Variants in ITPR3 observed in about 807,000 individuals in gnomAD.
The protein encoded by ITPR3 is inositol 1,4,5-trisphosphate receptor type 3, also known as inositol 1,4,5-trisphosphate-gated calcium channel ITPR3.
A neutral mutation model predicts 293.2 loss-of-function variants in ITPR3; 173 were observed. The observed-to-expected ratio is 0.59, with a 90% confidence interval of 0.52 to 0.67. The LOEUF (loss-of-function observed/expected upper bound fraction) is 0.67. ITPR3 is among the 30% of genes least tolerant of loss of function. The probability of loss-of-function intolerance (pLI) is 0.00; values close to 1 mark genes in which losing one functional copy is unlikely to be tolerated. For missense variants in ITPR3, 2,796 were observed against 3,592.1 expected, an observed-to-expected ratio of 0.78 and a Z score of 5.66; for synonymous variants, 1,295 against 1,444.4, an observed-to-expected ratio of 0.90 and a Z score of 2.35.
In ITPR3 at chr6:33,691,739, A is replaced by AG. The variant is rs1279694296; in HGVS notation, c.7330+22dup. ...TGGAAGGTGAGGGTGGTGTGTGTGCAGGAGTCTGTGTGGGGTAGGAGGAGC... is the reference window on the plus strand; with the variant it reads ...TGGAAGGTGAGGGTGGTGTGTGTGCAGGGAGTCTGTGTGGGGTAGGAGGAGC... On this transcript the variant is annotated intron_variant, in intron 53 of 57. Coordinates refer to ENST00000605930, the MANE Select transcript of ITPR3 (RefSeq NM_002224.4). This position sits in a 1 kb window ranked among gnomAD's most constrained non-coding sequence, Gnocchi z 4.9. 6.2e-7 allele frequency: 1 copy of AG among 1,613,434 alleles called. No individual in the cohort carries two copies. The highest frequency in any genetic ancestry group is 1.7e-5 in the Admixed American group (1 of 59,902).
At chr6:33,694,411 C>CG (rs2127325908) in intron 56 of ITPR3, 1 of 173,038 alleles carries the variant, frequency 5.8e-6, no homozygotes, top group Non-Finnish European at 1.2e-5. Context: ...CCTCCCCCCC[C>CG]GACTCCTCTG....
chr6:33,691,086 G>A lies in ITPR3; in HGVS notation c.7202G>A (p.Arg2401Gln), dbSNP rs1206727716. 8.1e-6 allele frequency: 13 copies of A among 1,614,114 alleles called. No homozygotes were observed. Among genetic ancestry groups the A allele is most frequent in the Admixed American group, 3.3e-5 (2 of 60,026 alleles). The change falls in exon 52 of 58, where the codon CGG (arginine) becomes CAG (glutamine). Residue 2401 changes from arginine to glutamine, a missense_variant. Arg to Gln is a conservative substitution (Grantham distance 43). Around this residue, in one of 8 missense-constraint regions of ITPR3, gnomAD observed 568 missense variants for 796.1 expected, o/e 0.71. Coordinates refer to ENST00000605930, the MANE Select transcript of ITPR3 (RefSeq NM_002224.4). The surrounding 1 kb of genome is among the most constrained non-coding windows in gnomAD (Gnocchi z 4.9). ...LKDDFILEVD[R>Q]LPNNHSTASP... ...GATGACTTCATTCTCGAGGTCGACC[G>A]GCTGCCCAACAACCACTCCACAGGT...
Position 33,668,526 on chromosome 6 carries a change from A to G in ITPR3, c.1898A>G (p.Tyr633Cys). 6.2e-7 allele frequency: 1 copy of G among 1,613,940 alleles called. No individual in the cohort carries two copies. The highest frequency in any genetic ancestry group is 8.5e-7 in the Non-Finnish European group (1 of 1,179,958). ...RKNREPRFLD[Y>C]LSDLCVSNHI... ...TGTCACCACCCCAGGTTCCTGGACT[A>G]CCTCTCTGACCTGTGTGTGTCCAAC... The change falls in exon 17 of 58, where the codon TAC (tyrosine) becomes TGC (cysteine). Residue 633 changes from tyrosine to cysteine, a missense_variant. Around this residue, in one of 8 missense-constraint regions of ITPR3, gnomAD observed 955 missense variants for 1,180.8 expected, o/e 0.81. Coordinates refer to ENST00000605930, the MANE Select transcript of ITPR3 (RefSeq NM_002224.4).
At chr6:33,686,571 G>A in intron 43 of ITPR3, 52 bp downstream of exon 43, 1 of 1,350,192 alleles carries the variant, frequency 7.4e-7, no homozygotes, top group Non-Finnish European at 1.1e-6. Flanking sequence ...TGATGTGCAT[G>A]CATGTATGTG....
intron 2 of ITPR3, among the ~76,000 whole-genome samples, chr6:33,642,251 C>T (rs893240059): frequency 2.6e-5 from 4 of 152,088 alleles, no homozygotes; most frequent in Non-Finnish European, 5.9e-5. Flanking sequence ...GGTCTGACCT[C>T]GCCTGTCCCA....
At chr6:33,643,160 C>T (rs1375164167) in intron 2 of ITPR3, among the ~76,000 whole-genome samples, 1 of 152,160 alleles carries the variant, frequency 6.6e-6, no homozygotes, top group African/African-American at 2.4e-5. Flanking sequence ...TTATGGCAGG[C>T]GTTTTAGAAG....
intron 13 of ITPR3, among the ~76,000 whole-genome samples, chr6:33,665,621 A>G (rs1582135081): frequency 6.9e-6 from 1 of 145,046 alleles, no homozygotes; most frequent in East Asian, 2.1e-4. Context: ...TCTTGGGGCC[A>G]CTTTGGAATC....
At position 33,638,601 on chromosome 6, in the gene ITPR3, G is replaced by A. The variant is rs752564165; in HGVS notation, c.90-1883G>A. On this transcript the variant is annotated intron_variant, in intron 1 of 57. Coordinates refer to ENST00000605930, the MANE Select transcript of ITPR3 (RefSeq NM_002224.4). This position sits in a 1 kb window ranked among gnomAD's most constrained non-coding sequence, Gnocchi z 4.3. ...AAATCTAAACATTGTAACTCTTCTT[G>A]CCTTTATCACTTAGGAAGTTACAAG... 1.3e-5 allele frequency among the ~76,000 whole-genome samples: 2 copies of A among 152,208 alleles called. No homozygotes were observed. Among genetic ancestry groups the A allele is most frequent in the Non-Finnish European group, 2.9e-5 (2 of 68,040 alleles).
Position 33,675,882 on chromosome 6 carries a change from C to T in ITPR3, c.3282+26C>T, listed in dbSNP as rs1455497256. ...GTGACGGGACTACCTGGCCCTGGCC[C>T]TGAGCATGAGGCCTGCACCAGGCAC... On this transcript the variant is annotated intron_variant, in intron 25 of 57. Transcript: ENST00000605930. This position sits in a 1 kb window ranked among gnomAD's most constrained non-coding sequence, Gnocchi z 5.0. 4.5e-6 allele frequency: 7 copies of T among 1,540,516 alleles called. No individual in the cohort carries two copies. The highest frequency in any genetic ancestry group is 6.1e-6 in the Non-Finnish European group (7 of 1,141,060).
chr6:33,667,769 C>A lies in ITPR3; in HGVS notation c.1714-23C>A, dbSNP rs747065016. ...TGGCCCACCTGTGACTCTCTGTGAC[C>A]CCCAGCCTGTCTGCCCCCCCAGGAG... is the stretch of plus-strand genomic sequence containing the variant. On this transcript the variant is annotated intron_variant, in intron 15 of 57. Coordinates refer to ENST00000605930, the MANE Select transcript of ITPR3 (RefSeq NM_002224.4). This position sits in a 1 kb window ranked among gnomAD's most constrained non-coding sequence, Gnocchi z 4.4. 1 of 1,613,276 alleles carries A rather than the reference C, an allele frequency of 6.2e-7. No individual in the cohort carries two copies. The highest frequency in any genetic ancestry group is 1.1e-5 in the South Asian group (1 of 90,988).
chr6:33,694,067 G>T (rs112257547), intron 56 of ITPR3, among the ~76,000 whole-genome samples: 1 of 152,194 alleles, frequency 6.6e-6, no homozygotes, highest in Non-Finnish European at 1.5e-5. Flanking sequence ...GCTGAGGAGG[G>T]GTGGAGTTGG....
At chr6:33,635,500 C>T (rs1024296782) in intron 1 of ITPR3, among the ~76,000 whole-genome samples, 2 of 152,190 alleles carry the variant, frequency 1.3e-5, no homozygotes, top group Admixed American at 6.5e-5. Flanking sequence ...AAAACAGACA[C>T]GTCTGTGCCC....
In ITPR3 at chr6:33,688,142, A is replaced by G. The variant is rs1367936836; in HGVS notation, c.6350A>G (p.Tyr2117Cys). Residue 2117 changes from tyrosine to cysteine, a missense_variant, in exon 47 of 58, where the codon TAT becomes TGT. By Grantham distance (194) the Tyr-to-Cys change is radical. This residue lies in a region of ITPR3 where 568 missense variants were observed against 796.1 expected (regional missense o/e 0.71). Transcript: ENST00000605930. The part of the protein sequence containing the change: ...QEEEEDPLAY[Y>C]ENHTSQIEIV... ...GAGGAGGAAGACCCCCTGGCCTACT[A>G]TGAGAACCACACGTCCCAGATCGAG... The G allele has an allele frequency of 2.5e-6, 4 of 1,614,088 alleles. No individual in the cohort carries two copies. The highest frequency in any genetic ancestry group is 2.2e-5 in the East Asian group (1 of 44,862).
Position 33,664,848 on chromosome 6 carries a change from T to C in ITPR3, c.1149-22T>C. 6.2e-7 allele frequency: 1 copy of C among 1,610,670 alleles called. No individual in the cohort carries two copies. The highest frequency in any genetic ancestry group is 8.5e-7 in the Non-Finnish European group (1 of 1,178,248). ...GCTCTGTGGTGCACTCCCCGAGTCCTTTCCCTCCCACCCACCTGCAGGAAC... is the reference window on the plus strand; with the variant it reads ...GCTCTGTGGTGCACTCCCCGAGTCCCTTCCCTCCCACCCACCTGCAGGAAC... On this transcript the variant is annotated intron_variant, in intron 11 of 57. Transcript: ENST00000605930. The surrounding 1 kb of genome is among the most constrained non-coding windows in gnomAD (Gnocchi z 4.4).
rs1258972259 is a variant in ITPR3, at chr6:33,633,277, G to C, written c.90-7207G>C. ...GAGATCGGTGGGCTGGTAAAGGGTG[G>C]GAACAGGTCTTTTCTGGGGCCCGTG... is the stretch of plus-strand genomic sequence containing the variant. On this transcript the variant is annotated intron_variant, in intron 1 of 57. Coordinates refer to ENST00000605930, the MANE Select transcript of ITPR3 (RefSeq NM_002224.4). The surrounding 1 kb of genome is among the most constrained non-coding windows in gnomAD (Gnocchi z 5.2). 6.6e-6 allele frequency among the ~76,000 whole-genome samples: 1 copy of C among 151,734 alleles called. No individual in the cohort carries two copies. The highest frequency in any genetic ancestry group is 2.4e-5 in the African/African-American group (1 of 41,244).
Position 33,654,268 on chromosome 6 carries a change from A to C in ITPR3, c.161-1498A>C, listed in dbSNP as rs903632822. 7.2e-5 allele frequency among the ~76,000 whole-genome samples: 11 copies of C among 151,924 alleles called. No homozygotes were observed. Among genetic ancestry groups the C allele is most frequent in the African/African-American group, 2.7e-4 (11 of 41,360 alleles). ...GAGCTACAGAGTGAGACCGTGTCTC[A>C]AAAAAAATAAGAAAAATAAAAAAAA... On this transcript the variant is annotated intron_variant, in intron 2 of 57. Coordinates refer to ENST00000605930, the MANE Select transcript of ITPR3 (RefSeq NM_002224.4). The surrounding 1 kb of genome is among the most constrained non-coding windows in gnomAD (Gnocchi z 4.1).
Position 33,675,627 on chromosome 6 carries a change from CCCA to C in ITPR3, c.3117-59_3117-57del. ...AGTGTGCTTGTGCCAGGGCCCCTTA[CCCA>C]CCACGGACAGCAGGGAGTGTGCCAG... On this transcript the variant is annotated intron_variant, in intron 24 of 57. Coordinates refer to ENST00000605930, the MANE Select transcript of ITPR3 (RefSeq NM_002224.4). The surrounding 1 kb of genome is among the most constrained non-coding windows in gnomAD (Gnocchi z 5.0). 1 of 1,508,512 alleles carries C rather than the reference CCCA, an allele frequency of 6.6e-7. No homozygotes were observed. The highest frequency in any genetic ancestry group is 1.3e-5 in the South Asian group (1 of 75,648). 93.4% of individuals were successfully genotyped at this position (1,508,512 alleles called of 1,614,324 possible). A position where few individuals can be genotyped will look rare whatever the true frequency, so the allele number is the denominator to read the frequency against.
chr6:33,663,863 C>T lies in ITPR3; in HGVS notation c.1131C>T (p.Thr377=), dbSNP rs2229631. Residue 377 remains threonine (T), a synonymous_variant, in exon 11 of 58, where the codon ACC becomes ACT. Transcript: ENST00000605930. ...FELDPTTLQK[T]DSFVPRNSYV... ...TGGACCCCACCACCTTGCAGAAAAC[C>T]GACTCTTTCGTGCCCCGGTGGGTAT... 0.018 allele frequency: 29,033 copies of T among 1,614,096 alleles called. 700 individuals are homozygous for T. Among genetic ancestry groups the T allele is most frequent in the East Asian group, 0.13 (5,837 of 44,864 alleles).
At chr6:33,628,308 G>A (rs533582232) in intron 1 of ITPR3, among the ~76,000 whole-genome samples, 2 of 152,356 alleles carry the variant, frequency 1.3e-5, no homozygotes, top group East Asian at 3.9e-4. Context: ...TGGGGTGGGG[G>A]AAGGAGGAAA....
Sources: allele counts gnomAD v4.1 joint callset (sites outside exome capture counted in the v4.1 genomes callset), GRCh38; gene constraint gnomAD v4.1.1; regional missense constraint gnomAD v4.1.1; non-coding constraint Gnocchi (gnomAD v3.1); transcripts MANE v1.5; gene names NCBI Gene and HGNC (gene_info 2026-07-23, HGNC 2026-07-21).